GIMAP8: variants seen among roughly 807,000 people sequenced by gnomAD.
The protein encoded by GIMAP8 is GTPase IMAP family member 8.
A neutral mutation model predicts 35.6 loss-of-function variants in GIMAP8; 29 were observed. That is an observed-to-expected ratio of 0.81 (90% CI 0.61 to 1.11). The LOEUF (loss-of-function observed/expected upper bound fraction) is 1.11, where lower values mean the gene tolerates loss of function less well. Ranked by LOEUF, GIMAP8 falls within the 50% of genes most tolerant of loss-of-function variation. GIMAP8 has a pLI of 0.00. For synonymous variants in GIMAP8, 335 were observed against 308.7 expected (o/e 1.09, Z -0.89); for missense variants, 811 against 805.0 (o/e 1.01, Z -0.09).
intron 1 of GIMAP8, 100 bp from the exon 2 acceptor site, chr7:150,466,571 G>T (rs966338112): frequency 9.0e-6 from 9 of 1,000,398 alleles, no homozygotes; most frequent in Non-Finnish European, 1.3e-5. Context: ...CAAATTCATT[G>T]GCGGCAATTT....
In GIMAP8 at chr7:150,477,491, T is replaced by G; in HGVS notation, c.1709T>G (p.Leu570Arg). 2 of 1,614,188 alleles carry G rather than the reference T, an allele frequency of 1.2e-6. No individual in the cohort carries two copies. The highest frequency in any genetic ancestry group is 1.7e-6 in the Non-Finnish European group (2 of 1,180,040). The change falls in exon 5 of 5, where the codon CTA (leucine) becomes CGA (arginine). Residue 570 changes from leucine to arginine, a missense_variant. Leu to Arg is a moderately radical substitution (Grantham distance 102). Transcript: ENST00000307271. ...ATGCTGTTCACCCGGAAGGAAGACC[T>G]AGGGGCGGGGAATTTGGAAGACTTC... is the stretch of plus-strand genomic sequence containing the variant. ...AIMLFTRKEDLGAGNLEDFMK... is the reference protein window; with the variant it reads ...AIMLFTRKEDRGAGNLEDFMK...
rs545692638 is a variant in GIMAP8 at position 150,479,282 on chromosome 7, A to C, written c.*1502A>C. On this transcript the variant is annotated 3_prime_UTR_variant, in exon 5 of 5. Transcript: ENST00000307271. ...CCTGTGACACACAACTTACTCATGT[A>C]ACAAACCTGTGCATGTACCCCTTGA... 4 of 152,352 alleles carry C rather than the reference A, an allele frequency of 2.6e-5. No homozygotes were observed. The East Asian group carries it at 7.7e-4, about 29-fold the overall frequency. 9.4% of individuals were successfully genotyped at this position (152,352 alleles called of 1,614,324 possible).
Position 150,466,851 on chromosome 7 carries a change from A to C in GIMAP8, c.153A>C (p.Arg51Ser). The change falls in exon 2 of 5, where the codon AGA (arginine) becomes AGC (serine). Residue 51 changes from arginine to serine, a missense_variant. Coordinates refer to ENST00000307271, the MANE Select transcript of GIMAP8 (RefSeq NM_175571.4). ...AGACAGTGATCAAAATGTGCCAGAG[A>C]GAGAGTTGGGTCCTGAGAGAAAGGA... ...SDQTVIKMCQ[R>S]ESWVLRERKV... The C allele has an allele frequency of 6.2e-7, 1 of 1,614,242 alleles. No individual in the cohort carries two copies. The highest frequency in any genetic ancestry group is 8.5e-7 in the Non-Finnish European group (1 of 1,180,040).
intron 2 of GIMAP8, among the ~76,000 whole-genome samples, chr7:150,469,342 A>C (rs191728628): frequency 6.6e-6 from 1 of 152,260 alleles, no homozygotes; most frequent in East Asian, 1.9e-4. Flanking sequence ...CAGGCCTTGG[A>C]ATGAGCCCCA....
At chr7:150,462,194 T>C (rs1285772022) in intron 1 of GIMAP8, among the ~76,000 whole-genome samples, 1 of 152,214 alleles carries the variant, frequency 6.6e-6, no homozygotes, top group Non-Finnish European at 1.5e-5. Context: ...CAAATCACAA[T>C]GGTGGAATGT....
In GIMAP8 at chr7:150,451,825, A is replaced by G. The variant is rs1291357145; in HGVS notation, c.-29+650A>G. Among the ~76,000 whole-genome samples the G allele has an allele frequency of 1.3e-5, 2 of 152,158 alleles. No individual in the cohort carries two copies. The highest frequency in any genetic ancestry group is 2.9e-5 in the Non-Finnish European group (2 of 68,024). ...AGGGGTCAAGACCTTACCAAAAGCA[A>G]TATTTCTGATTTCACCTACATTTCA... On this transcript the variant is annotated intron_variant, in intron 1 of 4. Transcript: ENST00000307271. The surrounding 1 kb of genome is among the most constrained non-coding windows in gnomAD (Gnocchi z 4.1).
rs778005273 is a variant in GIMAP8 at position 150,467,273 on chromosome 7, T to C, written c.575T>C (p.Leu192Ser). 28 of 1,614,094 alleles carry C rather than the reference T, an allele frequency of 1.7e-5. No individual in the cohort carries two copies. Among genetic ancestry groups the C allele is most frequent in the South Asian group, 3.3e-5 (3 of 91,094 alleles). Residue 192 changes from leucine (L) to serine (S), a missense_variant, in exon 2 of 5, where the codon TTG becomes TCG. Leu to Ser is a moderately radical substitution (Grantham distance 145). Transcript: ENST00000307271. ...VLELLRKVES[L>S]VNTNGGPYHV... ...GAGCTCCTTCGCAAGGTTGAGTCTT[T>C]GGTGAATACGAACGGAGGACCCTAT...
intron 1 of GIMAP8, among the ~76,000 whole-genome samples, chr7:150,460,474 C>T (rs768119050): frequency 6.6e-6 from 1 of 152,166 alleles, no homozygotes; most frequent in East Asian, 1.9e-4. Flanking sequence ...ATTATACTTG[C>T]CATATCTCCT....
chr7:150,466,860 G>A lies in GIMAP8; in HGVS notation c.162G>A (p.Trp54Ter). The change falls in exon 2 of 5, where the codon TGG becomes TGA. Residue 54 changes from tryptophan (W) to a stop codon, truncating the protein, a stop_gained. Transcript: ENST00000307271. LOFTEE classifies it high-confidence loss of function. ...TVIKMCQRES[W>*]VLRERKVVVI... ...TCAAAATGTGCCAGAGAGAGAGTTG[G>A]GTCCTGAGAGAAAGGAAGGTTGTGG... 1.2e-6 allele frequency: 2 copies of A among 1,614,218 alleles called. No homozygotes were observed. Among genetic ancestry groups the A allele is most frequent in the African/African-American group, 2.7e-5 (2 of 75,038 alleles).
chr7:150,477,079 T>A lies in GIMAP8; in HGVS notation c.1310-13T>A. On this transcript the variant is annotated splice_polypyrimidine_tract_variant and intron_variant, in intron 4 of 4. Coordinates refer to ENST00000307271, the MANE Select transcript of GIMAP8 (RefSeq NM_175571.4). ...GCCCATGGTCACGAATCTTTCCCAC[T>A]TTCCTTTGACAGAAACCCTGAACAT... The A allele has an allele frequency of 6.3e-7, 1 of 1,588,142 alleles. No individual in the cohort carries two copies. Among genetic ancestry groups the A allele is most frequent in the East Asian group, 2.3e-5 (1 of 44,246 alleles).
In GIMAP8 at chr7:150,477,524, A is replaced by G. The variant is rs1802265025; in HGVS notation, c.1742A>G (p.Asn581Ser). The G allele has an allele frequency of 6.2e-7, 1 of 1,613,978 alleles. No individual in the cohort carries two copies. Among genetic ancestry groups the G allele is most frequent in the South Asian group, 1.1e-5 (1 of 91,088 alleles). Reference sequence around the variant, plus strand: ...GGGAATTTGGAAGACTTCATGAAGAACTCAGATAACAAAGCCCTTCGGCGC... The same window carrying G: ...GGGAATTTGGAAGACTTCATGAAGAGCTCAGATAACAAAGCCCTTCGGCGC... ...GAGNLEDFMK[N>S]SDNKALRRIF... Residue 581 changes from asparagine (N) to serine (S), a missense_variant, in exon 5 of 5, where the codon AAC (asparagine) becomes AGC (serine). Coordinates refer to ENST00000307271, the MANE Select transcript of GIMAP8 (RefSeq NM_175571.4).
intron 2 of GIMAP8, among the ~76,000 whole-genome samples, chr7:150,467,772 T>G (rs1172338637): frequency 6.6e-6 from 1 of 152,198 alleles, no homozygotes; most frequent in Non-Finnish European, 1.5e-5. Context: ...TCCTCAATTC[T>G]TTGTACTCTC....
At chr7:150,474,994 G>A (rs990623904) in intron 4 of GIMAP8, among the ~76,000 whole-genome samples, 1 of 151,844 alleles carries the variant, frequency 6.6e-6, no homozygotes. Context: ...TTGTTCTTGC[G>A]ATAGTTTACT....
chr7:150,454,149 A>G (rs1801677941), intron 1 of GIMAP8, among the ~76,000 whole-genome samples: 2 of 150,778 alleles, frequency 1.3e-5, no homozygotes, highest in Admixed American at 1.3e-4. Flanking sequence ...ATGGCACACA[A>G]TGTGAGGGGA....
chr7:150,453,221 T>C (rs112276670), intron 1 of GIMAP8, among the ~76,000 whole-genome samples: 27 of 152,340 alleles, frequency 1.8e-4, no homozygotes, highest in African/African-American at 6.0e-4. Flanking sequence ...CTTCTCTCCA[T>C]AGGGTGTATC....
chr7:150,463,628 G>A (rs1285177858), intron 1 of GIMAP8, among the ~76,000 whole-genome samples: 1 of 152,230 alleles, frequency 6.6e-6, no homozygotes, highest in African/African-American at 2.4e-5. Context: ...ATGTCTGCAA[G>A]TTCCTCAGTG....
chr7:150,456,069 A>G (rs1349171558), intron 1 of GIMAP8, among the ~76,000 whole-genome samples: 1 of 152,162 alleles, frequency 6.6e-6, no homozygotes, highest in Non-Finnish European at 1.5e-5. Context: ...GTCTGTCTCT[A>G]TCACCAAGGA....
chr7:150,461,021 CTG>C (rs1460333621), intron 1 of GIMAP8, among the ~76,000 whole-genome samples: 1 of 152,220 alleles, frequency 6.6e-6, no homozygotes, highest in Non-Finnish European at 1.5e-5. Flanking sequence ...AGGGTTTGTA[CTG>C]TGAGTTATCT....
At position 150,472,764 on chromosome 7, in the gene GIMAP8, G is replaced by A. The variant is rs1246379348; in HGVS notation, c.683-1248G>A. On this transcript the variant is annotated intron_variant, in intron 3 of 4. Coordinates refer to ENST00000307271, the MANE Select transcript of GIMAP8 (RefSeq NM_175571.4). The surrounding 1 kb of genome is among the most constrained non-coding windows in gnomAD (Gnocchi z 4.1). Reference sequence around the variant, plus strand: ...AGAAGTTATATTTGCATAGGAACCTGAGTAGCCAGCAGGAGATAGGGCAGG... The same window carrying A: ...AGAAGTTATATTTGCATAGGAACCTAAGTAGCCAGCAGGAGATAGGGCAGG... Among the ~76,000 whole-genome samples, 2 of 152,310 alleles carry A rather than the reference G, an allele frequency of 1.3e-5. No individual in the cohort carries two copies. The highest frequency in any genetic ancestry group is 2.9e-5 in the Non-Finnish European group (2 of 68,024).
Sources: allele counts gnomAD v4.1 joint callset (sites outside exome capture counted in the v4.1 genomes callset), GRCh38; gene constraint gnomAD v4.1.1; non-coding constraint Gnocchi (gnomAD v3.1); transcripts MANE v1.5; gene names NCBI Gene and HGNC (gene_info 2026-07-23, HGNC 2026-07-21).